SH3GL3: variants seen among roughly 807,000 people sequenced by gnomAD.
SH3GL3 encodes the protein SH3 domain containing GRB2 like 3, endophilin A3.
SH3GL3 carries 33 observed loss-of-function variants against 47.7 expected under a neutral mutation model. That is an observed-to-expected ratio of 0.69 (90% CI 0.52 to 0.92). The LOEUF is 0.92. SH3GL3 is among the 40% of genes least tolerant of loss of function. The pLI, the probability that SH3GL3 is intolerant of heterozygous loss-of-function variation, is 0.00. For synonymous variants in SH3GL3, 155 were observed against 148.8 expected (o/e 1.04, Z -0.30); for missense variants, 363 against 417.8 (o/e 0.87, Z 1.14).
intron 1 of SH3GL3, among the ~76,000 whole-genome samples, chr15:83,526,280 A>G (rs1221436608): frequency 6.6e-6 from 1 of 152,238 alleles, no homozygotes; most frequent in Non-Finnish European, 1.5e-5. Flanking sequence ...AGCTAAAAAT[A>G]GAGCTGCCAT....
intron 4 of SH3GL3, among the ~76,000 whole-genome samples, chr15:83,570,951 A>G (rs1336475797): frequency 6.6e-6 from 1 of 152,246 alleles, no homozygotes; most frequent in Non-Finnish European, 1.5e-5. Context: ...GGCCTTGGCG[A>G]CAGCCAGACA....
intron 1 of SH3GL3, among the ~76,000 whole-genome samples, chr15:83,463,906 C>T (rs1180111486): frequency 1.3e-5 from 2 of 151,600 alleles, no homozygotes; most frequent in East Asian, 1.9e-4. Flanking sequence ...GTAGTTGAGA[C>T]TACAGTTGTG....
At chr15:83,608,837 G>A (rs544319686) in intron 8 of SH3GL3, among the ~76,000 whole-genome samples, 8 of 151,242 alleles carry the variant, frequency 5.3e-5, no homozygotes, top group East Asian at 2.0e-4. Flanking sequence ...TTCTGGGATC[G>A]AAGCTTCTAG....
At chr15:83,498,780 C>T (rs1181135565) in intron 1 of SH3GL3, among the ~76,000 whole-genome samples, 1 of 152,164 alleles carries the variant, frequency 6.6e-6, no homozygotes, top group Non-Finnish European at 1.5e-5. Context: ...GAATGGTCAC[C>T]CCCTACTGAA....
At chr15:83,535,187 A>T (rs752127175) in intron 1 of SH3GL3, among the ~76,000 whole-genome samples, 2 of 152,166 alleles carry the variant, frequency 1.3e-5, no homozygotes, top group Non-Finnish European at 2.9e-5. Context: ...TTAAAAAAAA[A>T]ACTCAGGTAT....
chr15:83,478,747 T>C (rs2151549863), intron 1 of SH3GL3, among the ~76,000 whole-genome samples: 1 of 152,322 alleles, frequency 6.6e-6, no homozygotes, highest in African/African-American at 2.4e-5. Context: ...TCCTCTTCCG[T>C]ATACTAGGGT....
chr15:83,591,134 A>G (rs1299094664), intron 8 of SH3GL3, among the ~76,000 whole-genome samples: 1 of 152,082 alleles, frequency 6.6e-6, no homozygotes, highest in East Asian at 1.9e-4. Context: ...CAGCCTCCTG[A>G]GTAGCTGGGA....
At chr15:83,481,248 C>T (rs1474049042) in intron 1 of SH3GL3, among the ~76,000 whole-genome samples, 1 of 147,644 alleles carries the variant, frequency 6.8e-6, no homozygotes, top group East Asian at 2.0e-4. Context: ...GCACTCCAGC[C>T]TGGGGGATAG....
At chr15:83,541,270 T>C (rs2044138309) in intron 1 of SH3GL3, among the ~76,000 whole-genome samples, 1 of 151,268 alleles carries the variant, frequency 6.6e-6, no homozygotes. Context: ...ATTTCCTGTC[T>C]TCTTTCCTAG....
intron 1 of SH3GL3, among the ~76,000 whole-genome samples, chr15:83,477,473 A>G (rs2041151917): frequency 6.6e-6 from 1 of 152,160 alleles, no homozygotes; most frequent in African/African-American, 2.4e-5. Flanking sequence ...ACTTAATCAA[A>G]TAAGTATGTA....
intron 1 of SH3GL3, among the ~76,000 whole-genome samples, chr15:83,554,943 T>C (rs116343611): frequency 0.014 from 2,195 of 152,346 alleles, 46 homozygotes; most frequent in African/African-American, 0.048. Flanking sequence ...AGAGCCATTT[T>C]ACTTGTAAAT....
At chr15:83,562,726 A>C (rs2730089) in intron 2 of SH3GL3, among the ~76,000 whole-genome samples, 16,533 of 152,238 alleles carry the variant, frequency 0.11, 973 homozygotes, top group East Asian at 0.2. Flanking sequence ...AGCTATAATC[A>C]CAAAGGCAAG....
the SH3GL3 span, among the ~76,000 whole-genome samples, chr15:83,631,173 C>A: frequency 6.6e-6 from 1 of 152,202 alleles, no homozygotes; most frequent in East Asian, 1.9e-4. Flanking sequence ...ATCCAAATCA[C>A]ACTGATGCAA....
At chr15:83,541,590 T>C (rs1194135163) in intron 1 of SH3GL3, among the ~76,000 whole-genome samples, 2 of 152,024 alleles carry the variant, frequency 1.3e-5, no homozygotes, top group Admixed American at 6.6e-5. Flanking sequence ...TTACCAAGGG[T>C]GTATGAGGGT....
At position 83,568,970 on chromosome 15, in the gene SH3GL3, C is replaced by T. The variant is rs368793865; in HGVS notation, c.331+298C>T. On this transcript the variant is annotated intron_variant, in intron 4 of 8. Transcript: ENST00000427482. ...GGAGTGCAGTGGCGCGATCTTGGCT[C>T]ACTGCAGCCTCCACCTCCCAGGTTC... 9.4e-5 allele frequency among the ~76,000 whole-genome samples: 14 copies of T among 149,158 alleles called. 1 individual carries two copies. The East Asian group carries it at 1.2e-3, about 13-fold the overall frequency.
chr15:83,517,505 C>T (rs1012229757), intron 1 of SH3GL3, among the ~76,000 whole-genome samples: 10 of 152,104 alleles, frequency 6.6e-5, no homozygotes, highest in Admixed American at 3.3e-4. Flanking sequence ...CATGCCTGGC[C>T]ATGAGTTTCA....
the SH3GL3 span, among the ~76,000 whole-genome samples, chr15:83,630,676 T>C: frequency 6.6e-6 from 1 of 152,112 alleles, no homozygotes; most frequent in Non-Finnish European, 1.5e-5. Context: ...GAACTCACCA[T>C]CATGAGAACA....
intron 1 of SH3GL3, among the ~76,000 whole-genome samples, chr15:83,499,527 T>C (rs1016971236): frequency 3.3e-5 from 5 of 152,164 alleles, no homozygotes; most frequent in Non-Finnish European, 7.3e-5. Flanking sequence ...AGTGTAGTCA[T>C]ACGTGTAATC....
At chr15:83,578,113 T>C (rs1299617112) in intron 6 of SH3GL3, among the ~76,000 whole-genome samples, 1 of 152,204 alleles carries the variant, frequency 6.6e-6, no homozygotes, top group African/African-American at 2.4e-5. Flanking sequence ...TGCCATTTGC[T>C]TTGATTTGAT....
Sources: allele counts gnomAD v4.1 joint callset (sites outside exome capture counted in the v4.1 genomes callset), GRCh38; gene constraint gnomAD v4.1.1; transcripts MANE v1.5; gene names NCBI Gene and HGNC (gene_info 2026-07-23, HGNC 2026-07-21).